The following PGAP4 variants were observed in gnomAD, a reference collection of about 807,000 sequenced individuals.
PGAP4 encodes GPI-N-acetylgalactosamine transferase PGAP4.
A neutral mutation model predicts 28.2 loss-of-function variants in PGAP4; 12 were observed. The ratio of observed to expected loss-of-function variants is 0.42; its 90% CI spans 0.27 to 0.69. PGAP4 has a LOEUF of 0.69. PGAP4 is among the 30% of genes least tolerant of loss of function. PGAP4 has a pLI of 0.22. For missense variants in PGAP4, 425 were observed against 513.5 expected (o/e 0.83, Z 1.67); for synonymous variants, 205 against 211.8 (o/e 0.97, Z 0.28).
At chr9:101,515,731 T>A in intron 2 of PGAP4, among the ~76,000 whole-genome samples, 1 of 152,298 alleles carries the variant, frequency 6.6e-6, no homozygotes, top group East Asian at 1.9e-4. Flanking sequence ...ATATTATGAT[T>A]TAAATCTTAG....
chr9:101,498,635 C>T (rs1433011237), intron 2 of PGAP4, among the ~76,000 whole-genome samples: 4 of 151,736 alleles, frequency 2.6e-5, no homozygotes, highest in Non-Finnish European at 5.9e-5. Flanking sequence ...TAAAATACTA[C>T]ATGTTAACTG....
intron 2 of PGAP4, among the ~76,000 whole-genome samples, chr9:101,522,581 G>A (rs188886410): frequency 6.6e-5 from 10 of 152,052 alleles, no homozygotes; most frequent in East Asian, 5.8e-4. Context: ...TTTTTTCCAC[G>A]TCTTTACTTT....
At chr9:101,531,428 G>A (rs1827088994) in exon 2 of PGAP4, 1 of 152,184 alleles carries the variant, frequency 6.6e-6, no homozygotes, top group African/African-American at 2.4e-5. Context: ...GTTGAAGTTA[G>A]GGGTGACCTA....
intron 1 of PGAP4, among the ~76,000 whole-genome samples, chr9:101,531,917 T>G (rs897267526): frequency 1.3e-5 from 2 of 152,110 alleles, no homozygotes; most frequent in Non-Finnish European, 1.5e-5. Context: ...TAAAGATTAG[T>G]GGGGATTATG....
chr9:101,531,221 C>T (rs1827087112), intron 2 of PGAP4: 1 of 152,530 alleles, frequency 6.6e-6, no homozygotes, highest in African/African-American at 2.4e-5. Flanking sequence ...CACACACACA[C>T]ACACACACAC....
At chr9:101,523,458 G>C (rs1827005451) in intron 2 of PGAP4, among the ~76,000 whole-genome samples, 1 of 151,220 alleles carries the variant, frequency 6.6e-6, no homozygotes, top group Non-Finnish European at 1.5e-5. Context: ...TTTTCTTTGA[G>C]TTCTGAGTTT....
At position 101,476,321 on chromosome 9, in the gene PGAP4, C is replaced by A. The variant is rs1826306801; in HGVS notation, c.772G>T (p.Glu258Ter). The A allele has an allele frequency of 6.2e-7, 1 of 1,613,954 alleles. No homozygotes were observed. The highest frequency in any genetic ancestry group is 8.5e-7 in the Non-Finnish European group (1 of 1,180,014). Residue 258 changes from glutamate to a stop codon, truncating the protein, a stop_gained, in exon 2 of 2, where the codon GAG becomes TAG. Transcript: ENST00000374848. LOFTEE classifies it high-confidence loss of function. This position sits in a 1 kb window ranked among gnomAD's most constrained non-coding sequence, Gnocchi z 7.0. Reference protein sequence around the residue: ...PERLQHYINPEPMRILEWVGV... With the variant: ...PERLQHYINP Reference sequence around the variant, plus strand: ...ACCCATTCCAGGATCCGCATGGGCTCTGGATTGATGTAGTGCTGGAGCCTC... The same window carrying A: ...ACCCATTCCAGGATCCGCATGGGCTATGGATTGATGTAGTGCTGGAGCCTC...
In PGAP4 at chr9:101,486,298, G is replaced by A. The variant is rs1313022043; in HGVS notation, c.-78+651C>T. Among the ~76,000 whole-genome samples the A allele has an allele frequency of 6.6e-6, 1 of 152,186 alleles. No homozygotes were observed. The highest frequency in any genetic ancestry group is 1.5e-5 in the Non-Finnish European group (1 of 68,030). ...ACGCTTGAGCCTCAGTTTCCCACCC[G>A]TAGGCCGAGCTGACCGTCTCCATCG... is the stretch of plus-strand genomic sequence containing the variant. On this transcript the variant is annotated intron_variant, in intron 1 of 1. Coordinates refer to ENST00000374848, the MANE Select transcript of PGAP4 (RefSeq NM_032342.3). The surrounding 1 kb of genome is among the most constrained non-coding windows in gnomAD (Gnocchi z 4.7).
chr9:101,496,317 A>G (rs1361375963), intron 2 of PGAP4, among the ~76,000 whole-genome samples: 1 of 151,506 alleles, frequency 6.6e-6, no homozygotes, highest in Admixed American at 6.6e-5. Context: ...AAAGAACAGA[A>G]GGCAATGATG....
intron 2 of PGAP4, among the ~76,000 whole-genome samples, chr9:101,523,976 C>G (rs1485833809): frequency 6.6e-6 from 1 of 151,894 alleles, no homozygotes; most frequent in Non-Finnish European, 1.5e-5. Context: ...TGGCTTCCTA[C>G]AAGCCGAACT....
At chr9:101,498,759 G>A (rs1826773523) in intron 2 of PGAP4, among the ~76,000 whole-genome samples, 1 of 151,980 alleles carries the variant, frequency 6.6e-6, no homozygotes, top group Non-Finnish European at 1.5e-5. Context: ...AATCCCTTAA[G>A]AGCAACAAAA....
intron 2 of PGAP4, among the ~76,000 whole-genome samples, chr9:101,519,240 C>T (rs950406683): frequency 6.6e-6 from 1 of 152,180 alleles, no homozygotes; most frequent in African/African-American, 2.4e-5. Context: ...TCACTGCAAC[C>T]TCCACCTCCT....
chr9:101,495,898 T>TAATCATTTAATTAACTG (rs1826743425), intron 2 of PGAP4, among the ~76,000 whole-genome samples: 1 of 151,278 alleles, frequency 6.6e-6, no homozygotes, highest in South Asian at 2.1e-4. Context: ...TTTCCTTATG[T>TAATCATTTAATTAACTG]GAAGCTCATT....
At chr9:101,480,363 G>GT (rs1554707803) in intron 1 of PGAP4, among the ~76,000 whole-genome samples, 39 of 151,574 alleles carry the variant, frequency 2.6e-4, no homozygotes, top group East Asian at 5.9e-4. Flanking sequence ...TGTTGTTGTT[G>GT]TTGTTTGTTT....
intron 2 of PGAP4, among the ~76,000 whole-genome samples, chr9:101,492,490 A>G (rs545922039): frequency 1.3e-5 from 2 of 152,270 alleles, no homozygotes; most frequent in South Asian, 4.1e-4. Flanking sequence ...TAGCATCTCT[A>G]GCATTCCCAT....
At chr9:101,509,348 A>G (rs917758882) in intron 2 of PGAP4, among the ~76,000 whole-genome samples, 11 of 152,140 alleles carry the variant, frequency 7.2e-5, no homozygotes, top group African/African-American at 2.7e-4. Context: ...TTATCTGCCA[A>G]CTTGAACCCA....
intron 1 of PGAP4, among the ~76,000 whole-genome samples, chr9:101,484,594 A>G (rs1444719224): frequency 1.3e-5 from 2 of 152,158 alleles, no homozygotes; most frequent in East Asian, 1.9e-4. Context: ...CATGTTCTTT[A>G]TTAGTGTCCT....
At chr9:101,488,868 C>G (rs1392622559), upstream of PGAP4, among the ~76,000 whole-genome samples, 1 of 152,132 alleles carries the variant, frequency 6.6e-6, no homozygotes, top group African/African-American at 2.4e-5. Flanking sequence ...TGAGATAGTG[C>G]TTTTCTAGAG....
chr9:101,488,213 T>G (rs1826652148), upstream of PGAP4, among the ~76,000 whole-genome samples: 1 of 152,178 alleles, frequency 6.6e-6, no homozygotes, highest in Admixed American at 6.5e-5. Flanking sequence ...GAATGAGGTG[T>G]GGATCCTTCA....
Sources: allele counts gnomAD v4.1 joint callset (sites outside exome capture counted in the v4.1 genomes callset), GRCh38; gene constraint gnomAD v4.1.1; non-coding constraint Gnocchi (gnomAD v3.1); transcripts MANE v1.5; gene names NCBI Gene and HGNC (gene_info 2026-07-23, HGNC 2026-07-21).